The following EIF2A variants were observed in gnomAD, a reference collection of about 807,000 sequenced individuals.
The protein encoded by EIF2A is 65 kDa eukaryotic translation initiation factor 2A.
In EIF2A, 62 loss-of-function variants were observed where a neutral mutation model predicts 75.2. That is an observed-to-expected ratio of 0.82 (90% CI 0.67 to 1.02). The LOEUF is 1.02. Ranked by LOEUF, EIF2A falls within the 50% of genes least tolerant of loss-of-function variation. EIF2A has a pLI of 0.00. For missense variants in EIF2A, 611 were observed against 677.7 expected, an observed-to-expected ratio of 0.90 and a Z score of 1.09; for synonymous variants, 207 against 239.0, an observed-to-expected ratio of 0.87 and a Z score of 1.23.
chr3:150,566,965 C>T (rs1724216985), intron 6 of EIF2A: 1 of 152,116 alleles, frequency 6.6e-6, no homozygotes, highest in Non-Finnish European at 1.5e-5. Flanking sequence ...TTTTATTTTC[C>T]TGTGTTTGAG....
intron 1 of EIF2A, among the ~76,000 whole-genome samples, chr3:150,548,117 A>G (rs1576584421): frequency 6.6e-6 from 1 of 152,152 alleles, no homozygotes; most frequent in African/African-American, 2.4e-5. Flanking sequence ...CTTGAGACTC[A>G]TTTATTTCCT....
intron 1 of EIF2A, among the ~76,000 whole-genome samples, chr3:150,551,390 T>C (rs1417929576): frequency 3.3e-5 from 5 of 152,154 alleles, no homozygotes; most frequent in Non-Finnish European, 7.4e-5. Context: ...ACTAAATGAA[T>C]CTATTTATTT....
intron 3 of EIF2A, 151 bp from the exon 4 acceptor site, chr3:150,562,391 C>T (rs967085469): frequency 2.0e-6 from 1 of 499,052 alleles, no homozygotes; most frequent in Non-Finnish European, 3.5e-6. Flanking sequence ...CACTGCACTC[C>T]AACCTGGGAG....
intron 11 of EIF2A, among the ~76,000 whole-genome samples, chr3:150,579,954 C>T (rs1319199131): frequency 6.7e-6 from 1 of 149,222 alleles, no homozygotes; most frequent in African/African-American, 2.5e-5. Context: ...CCAATAAATA[C>T]TTACATAATT....
chr3:150,571,762 A>G (rs115089475), intron 9 of EIF2A, among the ~76,000 whole-genome samples, 196 bp from the exon 10 acceptor site: 2,015 of 152,322 alleles, frequency 0.013, 47 homozygotes, highest in African/African-American at 0.047. Flanking sequence ...TTAAGATTCA[A>G]TAGGGGTTCT....
chr3:150,574,879 A>G (rs117168569), intron 10 of EIF2A, among the ~76,000 whole-genome samples: 1 of 152,364 alleles, frequency 6.6e-6, no homozygotes, highest in East Asian at 1.9e-4. Flanking sequence ...CATTAAAATA[A>G]TAGCAATATA....
chr3:150,580,356 T>G (rs1725110138), intron 11 of EIF2A, among the ~76,000 whole-genome samples: 1 of 152,128 alleles, frequency 6.6e-6, no homozygotes, highest in Admixed American at 6.6e-5. Context: ...AGTAAGAGAT[T>G]AACAGTAACT....
chr3:150,568,903 C>T (rs933230704), intron 9 of EIF2A, among the ~76,000 whole-genome samples: 5 of 152,280 alleles, frequency 3.3e-5, no homozygotes, highest in East Asian at 1.9e-4. Flanking sequence ...GGTGAAAGAG[C>T]GAGACCCTGT....
At chr3:150,562,472 G>A in intron 3 of EIF2A, 70 bp from the exon 4 acceptor site, 1 of 1,140,610 alleles carries the variant, frequency 8.8e-7, no homozygotes, top group Non-Finnish European at 1.3e-6. Context: ...AAAGAGGTAT[G>A]AATGTTTTGG....
chr3:150,578,739 G>A (rs781556973), intron 11 of EIF2A, among the ~76,000 whole-genome samples: 2 of 152,148 alleles, frequency 1.3e-5, no homozygotes, highest in African/African-American at 2.4e-5. Flanking sequence ...TTTTGGGGAC[G>A]ACTGGCTGAA....
intron 9 of EIF2A, among the ~76,000 whole-genome samples, 170 bp downstream of exon 9, chr3:150,568,462 A>G (rs1724315517): frequency 6.6e-6 from 1 of 152,228 alleles, no homozygotes; most frequent in Admixed American, 6.5e-5. Flanking sequence ...ATCCTCCAAC[A>G]TACCTTATTT....
chr3:150,563,435 A>G lies in EIF2A; in HGVS notation c.293-80A>G, dbSNP rs1255616204. ...TTTAACCCATTTGATAGTAATCCAT[A>G]TCAAACTTAATAAATAAGAAAAATA... On this transcript the variant is annotated intron_variant, in intron 4 of 13. Transcript: ENST00000460851. 6.0e-6 allele frequency: 7 copies of G among 1,167,676 alleles called. No homozygotes were observed. The Admixed American group carries it at 1.0e-4, about 17-fold the overall frequency. 72.3% of individuals were successfully genotyped at this position (1,167,676 alleles called of 1,614,324 possible).
In EIF2A at chr3:150,583,265, G is replaced by A. The variant is rs1175939557; in HGVS notation, c.1692G>A (p.Gln564=). 1 of 1,612,210 alleles carries A rather than the reference G, an allele frequency of 6.2e-7. No individual in the cohort carries two copies. Among genetic ancestry groups the A allele is most frequent in the Admixed American group, 1.7e-5 (1 of 59,580 alleles). ...AATGKQLEKN[Q]LEKIQKETAL... ...CTGGAAAACAGCTAGAAAAAAATCA[G>A]GTACTTTCTGCATTTTTCATTTAGG... The change falls in exon 13 of 14, where the codon CAG becomes CAA. Residue 564 remains glutamine, a splice_region_variant and synonymous_variant. Transcript: ENST00000460851.
At chr3:150,547,718 G>A (rs1477463405) in intron 1 of EIF2A, among the ~76,000 whole-genome samples, 1 of 151,686 alleles carries the variant, frequency 6.6e-6, no homozygotes, top group Non-Finnish European at 1.5e-5. Context: ...AAACATTTTT[G>A]CACTTTTTGC....
chr3:150,563,459 T>C (rs1576594569), intron 4 of EIF2A, 56 bp from the exon 5 acceptor site: 3 of 1,366,384 alleles, frequency 2.2e-6, no homozygotes, highest in African/African-American at 1.5e-5. Context: ...ATAAGAAAAA[T>C]AATCCCTTTA....
intron 3 of EIF2A, among the ~76,000 whole-genome samples, chr3:150,560,603 A>G (rs934778430): frequency 2.6e-4 from 39 of 151,928 alleles, no homozygotes; most frequent in Admixed American, 7.9e-4. Context: ...TTTAAATACT[A>G]TGTGGTAATT....
chr3:150,578,053 C>T (rs779745393), intron 11 of EIF2A, among the ~76,000 whole-genome samples: 2 of 152,032 alleles, frequency 1.3e-5, no homozygotes, highest in Non-Finnish European at 2.9e-5. Context: ...GGGACCTCTA[C>T]TGGCCCTGGA....
rs372148468 is a variant in EIF2A, at chr3:150,557,596, C to T, written c.99-792C>T. On this transcript the variant is annotated intron_variant, in intron 2 of 13. Transcript: ENST00000460851. ...TGAATTTTTATTAGAGACAGGGTTTCGCCATGTTGCCCAGCTGGTCTCGAA... is the reference window on the plus strand; with the variant it reads ...TGAATTTTTATTAGAGACAGGGTTTTGCCATGTTGCCCAGCTGGTCTCGAA... 12 of 291,974 alleles carry T rather than the reference C, an allele frequency of 4.1e-5. No individual in the cohort carries two copies. The East Asian group carries it at 1.0e-3, about 25-fold the overall frequency. 18.1% of individuals were successfully genotyped at this position (291,974 alleles called of 1,614,324 possible). A position where few individuals can be genotyped will look rare whatever the true frequency, so the allele number is the denominator to read the frequency against.
chr3:150,558,988 C>T (rs533264694), intron 3 of EIF2A, among the ~76,000 whole-genome samples: 1 of 152,190 alleles, frequency 6.6e-6, no homozygotes, highest in Admixed American at 6.5e-5. Context: ...TGATTAAATG[C>T]TTATATTTTA....
Sources: allele counts gnomAD v4.1 joint callset (sites outside exome capture counted in the v4.1 genomes callset), GRCh38; gene constraint gnomAD v4.1.1; transcripts MANE v1.5; gene names NCBI Gene and HGNC (gene_info 2026-07-23, HGNC 2026-07-21).